The following KMT2E variants were observed in gnomAD, a reference collection of about 807,000 sequenced individuals.
KMT2E encodes histone reader KMT2E.
In KMT2E, 30 loss-of-function variants were observed where a neutral mutation model predicts 184.6. The observed-to-expected ratio is 0.16, with a 90% CI of 0.12 to 0.22. The LOEUF (loss-of-function observed/expected upper bound fraction) is 0.22. KMT2E is among the 10% of genes least tolerant of loss of function. KMT2E has a pLI of 1.00. For missense variants in KMT2E, 2,023 were observed against 2,237.4 expected (o/e 0.90, Z 1.93); for synonymous variants, 815 against 776.5 (o/e 1.05, Z -0.82).
chr7:105,112,800 C>T lies in KMT2E; in HGVS notation c.5044C>T (p.Pro1682Ser), dbSNP rs1180421395. Residue 1682 changes from proline to serine, a missense_variant, in exon 27 of 27, where the codon CCC becomes TCC. Pro to Ser is a moderately conservative substitution (Grantham distance 74, BLOSUM62 -1). Around this residue, in one of 8 missense-constraint regions of KMT2E, gnomAD observed 1,108 missense variants for 1,050.9 expected, o/e 1.05. Coordinates refer to ENST00000311117, the MANE Select transcript of KMT2E (RefSeq NM_182931.3). ...TAGHHLPPPP[P>S]PPGPAPHHHP... ...TGGACACCACTTACCCCCACCCCCA[C>T]CCCCTCCTGGTCCTGCCCCTCATCA... The T allele has an allele frequency of 1.9e-6, 3 of 1,597,384 alleles. No homozygotes were observed. Among genetic ancestry groups the T allele is most frequent in the South Asian group, 1.1e-5 (1 of 89,628 alleles).
At chr7:105,052,509 C>G (rs539301029) in intron 3 of KMT2E, among the ~76,000 whole-genome samples, 1 of 152,092 alleles carries the variant, frequency 6.6e-6, no homozygotes, top group African/African-American at 2.4e-5. Context: ...ATATAGTAAG[C>G]ATTGAGTCAT....
In KMT2E at chr7:105,110,839, A is replaced by T; in HGVS notation, c.4039A>T (p.Thr1347Ser). 3 of 1,613,972 alleles carry T rather than the reference A, an allele frequency of 1.9e-6. No individual in the cohort carries two copies. The highest frequency in any genetic ancestry group is 1.7e-6 in the Non-Finnish European group (2 of 1,179,834). The change falls in exon 26 of 27, where the codon ACT (threonine) becomes TCT (serine). Residue 1347 changes from threonine to serine, a missense_variant. Coordinates refer to ENST00000311117, the MANE Select transcript of KMT2E (RefSeq NM_182931.3). ...TCCATCCCCAGATACTTCTCAAAAT[A>T]CTTGTAAAAGTCCTCCAAAAATGAG... is the stretch of plus-strand genomic sequence containing the variant. ...ECPSPDTSQNTCKSPPKMSKP... is the reference protein window; with the variant it reads ...ECPSPDTSQNSCKSPPKMSKP...
chr7:105,060,493 C>T lies in KMT2E; in HGVS notation c.72-1671C>T, dbSNP rs182907710. ...CCAGGCTAGAGTGCAGTGACATGAT[C>T]ATAGCTCACTGTAACCTCAAACTTC... On this transcript the variant is annotated intron_variant, in intron 3 of 26. Coordinates refer to ENST00000311117, the MANE Select transcript of KMT2E (RefSeq NM_182931.3). Among the ~76,000 whole-genome samples, 568 of 152,216 alleles carry T rather than the reference C, an allele frequency of 3.7e-3. 4 individuals are homozygous for T. The highest frequency in any genetic ancestry group is 0.013 in the African/African-American group (534 of 41,532).
intron 5 of KMT2E, among the ~76,000 whole-genome samples, chr7:105,064,699 C>G (rs1796961335): frequency 1.3e-5 from 2 of 152,004 alleles, no homozygotes; most frequent in Admixed American, 6.6e-5. Flanking sequence ...TAAAAATAAA[C>G]TTTCATAACC....
intron 1 of KMT2E, among the ~76,000 whole-genome samples, chr7:105,015,595 C>T (rs2216107): frequency 6.6e-6 from 1 of 151,914 alleles, no homozygotes; most frequent in East Asian, 1.9e-4. Context: ...GGAAAATAGT[C>T]TGTTTTTTTC....
chr7:105,027,468 A>G (rs1795219982), intron 1 of KMT2E, among the ~76,000 whole-genome samples: 2 of 152,216 alleles, frequency 1.3e-5, no homozygotes, highest in South Asian at 4.1e-4. Flanking sequence ...CTGTATTCTA[A>G]ATTTTTTCAG....
chr7:105,096,508 G>T (rs1386226761), intron 15 of KMT2E, among the ~76,000 whole-genome samples: 1 of 152,096 alleles, frequency 6.6e-6, no homozygotes, highest in Non-Finnish European at 1.5e-5. Flanking sequence ...TGACAAGGAA[G>T]TCACGTAGGC....
rs149720943 is a variant in KMT2E at position 105,112,817 on chromosome 7, C to T, written c.5061C>T (p.Ala1687=). 0.011 allele frequency: 17,264 copies of T among 1,584,962 alleles called. 109 individuals carry two copies. The highest frequency in any genetic ancestry group is 0.013 in the Non-Finnish European group (14,978 of 1,163,780). The change falls in exon 27 of 27, where the codon GCC becomes GCT. Residue 1687 remains alanine (A), a synonymous_variant. Coordinates refer to ENST00000311117, the MANE Select transcript of KMT2E (RefSeq NM_182931.3). ...LPPPPPPPGP[A]PHHHPPPHPS... Reference sequence around the variant, plus strand: ...CACCCCCACCCCCTCCTGGTCCTGCCCCTCATCACCATCCACCACCCCATC... The same window carrying T: ...CACCCCCACCCCCTCCTGGTCCTGCTCCTCATCACCATCCACCACCCCATC...
intron 3 of KMT2E, among the ~76,000 whole-genome samples, chr7:105,050,331 A>G (rs1796275286): frequency 6.6e-6 from 1 of 152,176 alleles, no homozygotes; most frequent in Non-Finnish European, 1.5e-5. Context: ...TTAACTAACC[A>G]CTATTGGTCA....
At chr7:105,069,241 A>G (rs943178092) in intron 6 of KMT2E, among the ~76,000 whole-genome samples, 1 of 152,248 alleles carries the variant, frequency 6.6e-6, no homozygotes, top group Non-Finnish European at 1.5e-5. Context: ...TTAAGATAAA[A>G]TACATGAGTT....
In KMT2E at chr7:105,112,187, C is replaced by T. The variant is rs779892341; in HGVS notation, c.4431C>T (p.Pro1477=). ...CTCCTTCACAGCAGTTAGGATCTCC[C>T]TACAGGCCTCATCATTCACAGTCAC... ...PKPPSQQLGS[P]YRPHHSQSPQ... is the part of the protein sequence containing the mutation. The change falls in exon 27 of 27, where the codon CCC becomes CCT. Residue 1477 remains proline (P), a synonymous_variant. Transcript: ENST00000311117. 3.1e-6 allele frequency: 5 copies of T among 1,613,984 alleles called. No homozygotes were observed. The highest frequency in any genetic ancestry group is 3.3e-5 in the Admixed American group (2 of 59,972).
chr7:105,084,194 C>A (rs962495046), intron 13 of KMT2E, among the ~76,000 whole-genome samples: 5 of 152,138 alleles, frequency 3.3e-5, no homozygotes, highest in African/African-American at 1.2e-4. Context: ...TGGTGGAGAA[C>A]TACAACTGCA....
intron 13 of KMT2E, chr7:105,089,143 A>C (rs1331705617): frequency 1.3e-5 from 4 of 302,068 alleles, no homozygotes; most frequent in Non-Finnish European, 2.6e-5. Context: ...CTTCTTCTGT[A>C]ATATATTACA....
In KMT2E at chr7:105,058,890, T is replaced by G. The variant is rs185071976; in HGVS notation, c.72-3274T>G. Reference sequence around the variant, plus strand: ...AAATCTTTTTTGGATTCAGTGATTTTAGAACATATACATACTTCCTGCTGA... The same window carrying G: ...AAATCTTTTTTGGATTCAGTGATTTGAGAACATATACATACTTCCTGCTGA... On this transcript the variant is annotated intron_variant, in intron 3 of 26. Transcript: ENST00000311117. 1.3e-3 allele frequency among the ~76,000 whole-genome samples: 196 copies of G among 152,272 alleles called. 1 individual carries two copies. Among genetic ancestry groups the G allele is most frequent in the Admixed American group, 7.1e-3 (108 of 15,298 alleles).
intron 1 of KMT2E, among the ~76,000 whole-genome samples, chr7:105,023,484 G>A (rs577272365): frequency 7.8e-5 from 11 of 141,504 alleles, no homozygotes; most frequent in East Asian, 2.2e-4. Context: ...TCGCTCTGTC[G>A]CCCAGGCTGG....
chr7:105,056,434 TA>T (rs1009542419), intron 3 of KMT2E, among the ~76,000 whole-genome samples: 1 of 152,238 alleles, frequency 6.6e-6, no homozygotes, highest in African/African-American at 2.4e-5. Flanking sequence ...GAATAAACAC[TA>T]TTCCTGAAGT....
At chr7:105,089,914 A>G (rs1171470751) in intron 13 of KMT2E, 95 bp from the exon 14 acceptor site, 12 of 1,528,184 alleles carry the variant, frequency 7.9e-6, no homozygotes, top group Admixed American at 2.3e-5. Flanking sequence ...TAGTAATTGC[A>G]TACAATTTTG....
Position 105,077,150 on chromosome 7 carries a change from C to G in KMT2E, c.956C>G (p.Ser319Cys). ...AATGACAAAAAAGAGATGAATAAAT[C>G]CGATTTGAATACCAACAATTTGCTC... The part of the protein sequence containing the change: ...NGNDKKEMNK[S>C]DLNTNNLLFK... The change falls in exon 10 of 27, where the codon TCC becomes TGC. Residue 319 changes from serine to cysteine, a missense_variant. Ser to Cys is a moderately radical substitution (Grantham distance 112, BLOSUM62 -1). Around this residue, in one of 8 missense-constraint regions of KMT2E, gnomAD observed 191 missense variants for 209.0 expected, o/e 0.91. Transcript: ENST00000311117. The G allele has an allele frequency of 6.2e-7, 1 of 1,613,944 alleles. No individual in the cohort carries two copies. Among genetic ancestry groups the G allele is most frequent in the Non-Finnish European group, 8.5e-7 (1 of 1,179,960 alleles).
rs2129569827 is a variant in KMT2E at position 105,106,555 on chromosome 7, A to G, written c.2630A>G (p.Tyr877Cys). 2 of 1,612,224 alleles carry G rather than the reference A, an allele frequency of 1.2e-6. No homozygotes were observed. Among genetic ancestry groups the G allele is most frequent in the South Asian group, 2.2e-5 (2 of 91,052 alleles). The part of the protein sequence containing the change: ...LTTPLKKRRF[Y>C]QLLDSVYSET... Reference sequence around the variant, plus strand: ...ACACCACTAAAAAAACGAAGATTTTATCAGTTGCTAGATTCGGTTTACTCA... The same window carrying G: ...ACACCACTAAAAAAACGAAGATTTTGTCAGTTGCTAGATTCGGTTTACTCA... Residue 877 changes from tyrosine (Y) to cysteine (C), a missense_variant, in exon 20 of 27, where the codon TAT (tyrosine) becomes TGT (cysteine). By Grantham distance (194) the Tyr-to-Cys change is radical. Coordinates refer to ENST00000311117, the MANE Select transcript of KMT2E (RefSeq NM_182931.3).
Sources: allele counts gnomAD v4.1 joint callset (sites outside exome capture counted in the v4.1 genomes callset), GRCh38; gene constraint gnomAD v4.1.1; regional missense constraint gnomAD v4.1.1; transcripts MANE v1.5; gene names NCBI Gene and HGNC (gene_info 2026-07-23, HGNC 2026-07-21).